The following DAB1 variants were observed in gnomAD, a reference collection of about 807,000 sequenced individuals.
DAB1 encodes the protein disabled homolog 1.
A neutral mutation model predicts 64.6 loss-of-function variants in DAB1; 15 were observed. The ratio of observed to expected loss-of-function variants is 0.23; its 90% CI spans 0.16 to 0.36. The LOEUF is 0.36. Among genes scored for constraint, DAB1 ranks in the 10% least tolerant of loss-of-function variants. The pLI, the probability that DAB1 is intolerant of heterozygous loss-of-function variation, is 1.00. For synonymous variants in DAB1, 235 were observed against 251.9 expected, an observed-to-expected ratio of 0.93 and a Z score of 0.64; for missense variants, 596 against 706.7, an observed-to-expected ratio of 0.84 and a Z score of 1.78.
In DAB1 at chr1:57,458,114, A is replaced by T. The variant is rs116191068; in HGVS notation, n.626-166948T>A. On this transcript the variant is annotated intron_variant and non_coding_transcript_variant, in intron 7 of 20. Transcript: ENST00000485760. ...GTGTGTGTGCTCCCCTTCCAGTAAT[A>T]CATTTCATATGTAAGTATATTTACA... Among the ~76,000 whole-genome samples the T allele has an allele frequency of 4.7e-3, 712 of 152,240 alleles. 8 individuals are homozygous for T. Among genetic ancestry groups the T allele is most frequent in the African/African-American group, 0.016 (673 of 41,566 alleles).
chr1:58,350,963 A>G (rs1458821280), intron 3 of DAB1, among the ~76,000 whole-genome samples: 2 of 152,092 alleles, frequency 1.3e-5, no homozygotes, highest in Non-Finnish European at 2.9e-5. Flanking sequence ...TCCATATGAA[A>G]TTTAAAGTAG....
At chr1:57,200,911 A>G (rs891716512) in intron 2 of DAB1, among the ~76,000 whole-genome samples, 20 of 152,232 alleles carry the variant, frequency 1.3e-4, no homozygotes, top group Non-Finnish European at 2.5e-4. Context: ...TAGCATCTCA[A>G]TTCATTACAG....
intron 7 of DAB1, among the ~76,000 whole-genome samples, chr1:57,584,121 C>T (rs754025918): frequency 4.6e-5 from 7 of 152,190 alleles, no homozygotes; most frequent in Non-Finnish European, 1.0e-4. Flanking sequence ...TATACTTCAG[C>T]CACTCATAAA....
rs373147090 is a variant in DAB1, at chr1:57,478,679, G to A, written n.625+170913C>T. On this transcript the variant is annotated intron_variant and non_coding_transcript_variant, in intron 7 of 20. Coordinates refer to the DAB1 transcript ENST00000485760. ...ATGATCTCAGCTTTCTGCAACCTCC[G>A]CCTCCTGGGTTCAAGCGATTCTCCT... Among the ~76,000 whole-genome samples the A allele has an allele frequency of 2.1e-4, 28 of 133,032 alleles. No individual in the cohort carries two copies. The East Asian group carries it at 5.8e-3, about 27-fold the overall frequency. The allele number at this position is 133,032 out of a possible 152,430, so 87.3% of individuals were successfully genotyped here.
intron 6 of DAB1, among the ~76,000 whole-genome samples, chr1:57,650,458 G>C (rs1007967463): frequency 1.7e-5 from 1 of 59,788 alleles, no homozygotes; most frequent in African/African-American, 4.6e-5. Flanking sequence ...ACACCAAATA[G>C]AGGAATAAAA....
intron 5 of DAB1, among the ~76,000 whole-genome samples, chr1:57,924,096 C>T (rs1466801918): frequency 6.6e-6 from 1 of 152,154 alleles, no homozygotes; most frequent in Non-Finnish European, 1.5e-5. Context: ...TTGTATAGCA[C>T]TTTGACTCCT....
intron 4 of DAB1, among the ~76,000 whole-genome samples, chr1:58,207,642 G>A (rs956134795): frequency 2.0e-5 from 3 of 152,184 alleles, no homozygotes; most frequent in Non-Finnish European, 4.4e-5. Context: ...TCCCCTCAGT[G>A]CTGGACAACC....
chr1:58,121,291 T>C (rs1652719867), intron 5 of DAB1, among the ~76,000 whole-genome samples: 1 of 152,142 alleles, frequency 6.6e-6, no homozygotes, highest in African/African-American at 2.4e-5. Context: ...GGCTTCCCAC[T>C]GTCCATACAC....
chr1:57,255,640 C>CA (rs1280726871), intron 2 of DAB1, among the ~76,000 whole-genome samples: 1 of 152,140 alleles, frequency 6.6e-6, no homozygotes, highest in Non-Finnish European at 1.5e-5. Context: ...GCCTGGGCAA[C>CA]AGAGAGAGAC....
chr1:57,884,039 G>C (rs956934516), exon 1 of DAB1: 5 of 152,270 alleles, frequency 3.3e-5, no homozygotes, highest in Admixed American at 6.5e-5. Context: ...GTCCAGGCTG[G>C]GTGGGGACGA....
intron 4 of DAB1, among the ~76,000 whole-genome samples, chr1:58,180,811 G>A (rs1046540139): frequency 1.3e-5 from 2 of 151,964 alleles, no homozygotes; most frequent in Non-Finnish European, 2.9e-5. Context: ...ATTTTAATGC[G>A]ATACTGGTTT....
At chr1:57,058,849 C>A (rs1650099525) in intron 9 of DAB1, among the ~76,000 whole-genome samples, 2 of 152,236 alleles carry the variant, frequency 1.3e-5, no homozygotes, top group African/African-American at 4.8e-5. Context: ...ATTTCAGGCA[C>A]TATGCTAGGT....
intron 4 of DAB1, among the ~76,000 whole-genome samples, chr1:57,077,930 C>T (rs1343788736): frequency 1.3e-5 from 2 of 151,548 alleles, no homozygotes; most frequent in Non-Finnish European, 2.9e-5. Flanking sequence ...AACAACAAAA[C>T]AAAAAAGCAG....
At chr1:57,458,654 A>G (rs1276919393) in intron 7 of DAB1, among the ~76,000 whole-genome samples, 1 of 152,160 alleles carries the variant, frequency 6.6e-6, no homozygotes, top group Admixed American at 6.5e-5. Context: ...TATAAAAACC[A>G]TGTTAGGATT....
chr1:57,007,448 G>T (rs150185393), intron 14 of DAB1, among the ~76,000 whole-genome samples: 1 of 152,038 alleles, frequency 6.6e-6, no homozygotes, highest in African/African-American at 2.4e-5. Flanking sequence ...TATTATTTTG[G>T]TTCTTTTTTG....
intron 5 of DAB1, among the ~76,000 whole-genome samples, chr1:58,106,921 T>C (rs111564214): frequency 7.3e-4 from 105 of 143,992 alleles, no homozygotes; most frequent in African/African-American, 2.6e-3. Flanking sequence ...TCCTCCTCCT[T>C]TCCTTCCTTC....
At chr1:58,506,952 T>C (rs1415728158) in intron 2 of DAB1, among the ~76,000 whole-genome samples, 2 of 151,704 alleles carry the variant, frequency 1.3e-5, no homozygotes, top group Non-Finnish European at 2.9e-5. Context: ...AATTCCATCA[T>C]ACACTCATAT....
intron 2 of DAB1, among the ~76,000 whole-genome samples, chr1:57,199,949 A>G (rs1251646855): frequency 6.6e-6 from 1 of 152,230 alleles, no homozygotes; most frequent in Admixed American, 6.5e-5. Flanking sequence ...CACAAGCTGC[A>G]GTACATGAGC....
chr1:58,165,141 A>C (rs1217931756), intron 4 of DAB1, among the ~76,000 whole-genome samples: 1 of 152,156 alleles, frequency 6.6e-6, no homozygotes, highest in Non-Finnish European at 1.5e-5. Flanking sequence ...CCTAATGCCC[A>C]TAGGACCACA....
Sources: allele counts gnomAD v4.1 joint callset (sites outside exome capture counted in the v4.1 genomes callset), GRCh38; gene constraint gnomAD v4.1.1; transcripts MANE v1.5; gene names NCBI Gene and HGNC (gene_info 2026-07-23, HGNC 2026-07-21).